NSD3: variants seen among roughly 807,000 people sequenced by gnomAD.
NSD3 encodes histone-lysine N-methyltransferase NSD3.
A neutral mutation model predicts 160.8 loss-of-function variants in NSD3; 24 were observed. The ratio of observed to expected loss-of-function variants is 0.15; its 90% CI spans 0.11 to 0.21. The LOEUF is 0.21. Among genes scored for constraint, NSD3 ranks in the 10% least tolerant of loss-of-function variants. The probability of loss-of-function intolerance (pLI) is 1.00; values close to 1 mark genes in which losing one functional copy is unlikely to be tolerated. For synonymous variants in NSD3, 520 were observed against 600.0 expected (o/e 0.87, Z 1.95); for missense variants, 1,157 against 1,735.9 (o/e 0.67, Z 5.93).
rs1392099942 is a variant in NSD3 at position 38,329,736 on chromosome 8, T to C, written c.1223A>G (p.Lys408Arg). Residue 408 changes from lysine to arginine, a missense_variant, in exon 6 of 24, where the codon AAG becomes AGG. This residue lies in a region of NSD3 where 168 missense variants were observed against 208.1 expected (regional missense o/e 0.81). Coordinates refer to ENST00000317025, the MANE Select transcript of NSD3 (RefSeq NM_023034.2). The surrounding 1 kb of genome is among the most constrained non-coding windows in gnomAD (Gnocchi z 4.8). ...QPEEALSQAK[K>R]SVASKTEVKK... is the part of the protein sequence containing the mutation. ...AACTTCGGTTTTGGAGGCAACACTC[T>C]TTTTTGCTTGGGATAAAGCCTCTTC... 1 of 1,614,080 alleles carries C rather than the reference T, an allele frequency of 6.2e-7. No homozygotes were observed. Among genetic ancestry groups the C allele is most frequent in the East Asian group, 2.2e-5 (1 of 44,902 alleles).
chr8:38,379,110 G>C (rs1470099501), intron 1 of NSD3, among the ~76,000 whole-genome samples: 2 of 145,188 alleles, frequency 1.4e-5, no homozygotes, highest in African/African-American at 5.1e-5. Flanking sequence ...GGGAAAAAAA[G>C]AAAAAAAAAA....
At chr8:38,286,931 C>A (rs563016522) in intron 19 of NSD3, among the ~76,000 whole-genome samples, 1 of 152,354 alleles carries the variant, frequency 6.6e-6, no homozygotes, top group Non-Finnish European at 1.5e-5. Context: ...ATCCCTGTCA[C>A]CAGCTAGCCC....
Position 38,271,845 on chromosome 8 carries a change from A to G in NSD3, c.*3796T>C, listed in dbSNP as rs1808491598. ...TGTTTTCTTATCTTGTTAAGAGGAC[A>G]TGGCATGTGGCAGCCAACACCTTGA... is the stretch of plus-strand genomic sequence containing the variant. On this transcript the variant is annotated 3_prime_UTR_variant, in exon 24 of 24. Transcript: ENST00000317025. 1 of 152,266 alleles carries G rather than the reference A, an allele frequency of 6.6e-6. No homozygotes were observed. The highest frequency in any genetic ancestry group is 2.4e-5 in the African/African-American group (1 of 41,480). The allele number at this position is 152,266 out of a possible 1,614,324, so 9.4% of individuals were successfully genotyped here. A position where few individuals can be genotyped will look rare whatever the true frequency, so the allele number is the denominator to read the frequency against.
At chr8:38,338,008 A>C (rs1343859313) in intron 3 of NSD3, among the ~76,000 whole-genome samples, 4 of 152,200 alleles carry the variant, frequency 2.6e-5, no homozygotes, top group Non-Finnish European at 4.4e-5. Flanking sequence ...CATGTTAAGA[A>C]TACACATGAT....
chr8:38,344,666 TAAAGTA>T (rs556453128), intron 2 of NSD3, among the ~76,000 whole-genome samples: 60 of 152,200 alleles, frequency 3.9e-4, no homozygotes, highest in African/African-American at 1.4e-3. Flanking sequence ...AACAACAAAG[TAAAGTA>T]AAAGAAAAAA....
chr8:38,294,601 G>A (rs1285658590), intron 16 of NSD3, among the ~76,000 whole-genome samples: 2 of 152,084 alleles, frequency 1.3e-5, no homozygotes, highest in Non-Finnish European at 2.9e-5. Context: ...AGATTCAGGG[G>A]CAAAGAGCTA....
intron 14 of NSD3, among the ~76,000 whole-genome samples, chr8:38,301,847 T>C (rs561059149): frequency 6.6e-6 from 1 of 152,330 alleles, no homozygotes; most frequent in East Asian, 1.9e-4. Flanking sequence ...ATATGCAAAA[T>C]AAATTGCTAT....
chr8:38,369,725 G>A (rs1200911694), intron 1 of NSD3, among the ~76,000 whole-genome samples: 1 of 152,154 alleles, frequency 6.6e-6, no homozygotes. Flanking sequence ...GTGAAGTGGG[G>A]ATAGGAACTC....
Position 38,318,033 on chromosome 8 carries a change from C to T in NSD3, c.1855+862G>A, listed in dbSNP as rs757052234. 5 of 1,614,080 alleles carry T rather than the reference C, an allele frequency of 3.1e-6. No homozygotes were observed. The highest frequency in any genetic ancestry group is 4.2e-6 in the Non-Finnish European group (5 of 1,180,014). On this transcript the variant is annotated intron_variant, in intron 9 of 23. Coordinates refer to ENST00000317025, the MANE Select transcript of NSD3 (RefSeq NM_023034.2). The surrounding 1 kb of genome is among the most constrained non-coding windows in gnomAD (Gnocchi z 5.3). ...ACAGAGCCCTGCACTCCCCGGTCCG[C>T]CGACCCTGTGGAATGGTGGAAACAC...
At chr8:38,299,664 C>G in intron 14 of NSD3, 74 bp from the exon 15 acceptor site, 1 of 1,413,874 alleles carries the variant, frequency 7.1e-7, no homozygotes, top group Non-Finnish European at 9.3e-7. Flanking sequence ...AATAAACCAA[C>G]ACCTATTATG....
At position 38,276,485 on chromosome 8, in the gene NSD3, T is replaced by C. The variant is rs754501513; in HGVS notation, c.3883A>G (p.Thr1295Ala). ...GCATTTTTTGCCTTCTCTTCATTTG[T>C]TGACGCACATGCCGACTGGCAGGAA... is the stretch of plus-strand genomic sequence containing the variant. ...GVRPKSACAS[T>A]NEEKAKNAKL... Residue 1295 changes from threonine to alanine, a missense_variant, in exon 23 of 24, where the codon ACA (threonine) becomes GCA (alanine). Around this residue, in one of 10 missense-constraint regions of NSD3, gnomAD observed 222 missense variants for 409.9 expected, o/e 0.54. Transcript: ENST00000317025. 9 of 1,614,216 alleles carry C rather than the reference T, an allele frequency of 5.6e-6. No homozygotes were observed. The highest frequency in any genetic ancestry group is 1.7e-5 in the Admixed American group (1 of 60,024).
At chr8:38,364,432 G>A (rs959159971) in intron 1 of NSD3, among the ~76,000 whole-genome samples, 2 of 152,182 alleles carry the variant, frequency 1.3e-5, no homozygotes, top group Non-Finnish European at 2.9e-5. Context: ...TTGCTGGTAG[G>A]GTGTTACTGT....
At chr8:38,363,367 G>C (rs1811031606) in intron 1 of NSD3, among the ~76,000 whole-genome samples, 1 of 152,186 alleles carries the variant, frequency 6.6e-6, no homozygotes, top group African/African-American at 2.4e-5. Flanking sequence ...AAGAGGGCCG[G>C]GCATGGTGGC....
chr8:38,310,997 CTTT>C (rs375699049), intron 12 of NSD3, among the ~76,000 whole-genome samples: 1 of 145,102 alleles, frequency 6.9e-6, no homozygotes, highest in Non-Finnish European at 1.5e-5. Context: ...TTTCTTTTTT[CTTT>C]TTTTTTTGAT....
At chr8:38,328,916 C>T (rs935778240) in intron 6 of NSD3, among the ~76,000 whole-genome samples, 3 of 152,148 alleles carry the variant, frequency 2.0e-5, no homozygotes, top group African/African-American at 7.2e-5. Context: ...AGTTAGATAT[C>T]GCAAGCCCAT....
intron 15 of NSD3, 121 bp from the exon 16 acceptor site, chr8:38,296,073 G>T (rs773872607): frequency 1.6e-5 from 16 of 1,020,062 alleles, no homozygotes; most frequent in Middle Eastern, 2.9e-4. Context: ...AATAACAAAG[G>T]GACTGAGTCA....
At chr8:38,323,857 C>A (rs962564219) in intron 7 of NSD3, among the ~76,000 whole-genome samples, 2 of 149,286 alleles carry the variant, frequency 1.3e-5, no homozygotes, top group Non-Finnish European at 3.0e-5. Flanking sequence ...CAGTAACTTT[C>A]AGAGGAGAAA....
Position 38,290,675 on chromosome 8 carries a change from C to G in NSD3, c.2918G>C (p.Trp973Ser). ...IVWVKLGNYR[W>S]WPAEICNPRS... ...GGGGTTGCAGATCTCTGCTGGCCACCATCTGAAAACAAAAGCAATTTTAGA... is the reference window on the plus strand; with the variant it reads ...GGGGTTGCAGATCTCTGCTGGCCACGATCTGAAAACAAAAGCAATTTTAGA... The change falls in exon 17 of 24, where the codon TGG becomes TCG. Residue 973 changes from tryptophan to serine, a missense_variant and splice_region_variant. Physicochemically the swap from Trp to Ser is radical, Grantham distance 177 (BLOSUM62 -3). Around this residue, in one of 10 missense-constraint regions of NSD3, gnomAD observed 437 missense variants for 576.6 expected, o/e 0.76. Transcript: ENST00000317025. The G allele has an allele frequency of 1.2e-6, 2 of 1,612,912 alleles. No homozygotes were observed. Among genetic ancestry groups the G allele is most frequent in the Non-Finnish European group, 1.7e-6 (2 of 1,179,526 alleles).
intron 7 of NSD3, among the ~76,000 whole-genome samples, chr8:38,325,778 G>A (rs367816755): frequency 6.6e-6 from 1 of 151,740 alleles, no homozygotes; most frequent in African/African-American, 2.4e-5. Context: ...GATCACCTGA[G>A]CCTGGGAGGT....
Sources: gnomAD v4.1 joint callset for allele counts (sites outside exome capture counted in the v4.1 genomes callset) on GRCh38, gnomAD v4.1.1 for gene constraint, gnomAD v4.1.1 regional missense constraint, Gnocchi (gnomAD v3.1) non-coding constraint, MANE v1.5 for transcripts, NCBI Gene and HGNC (gene_info 2026-07-23, HGNC 2026-07-21) for gene names.